Variants in EAF1 observed in about 807,000 individuals in gnomAD.
EAF1 encodes the protein ELL-associated factor 1.
Under a neutral mutation model 26.6 loss-of-function variants are expected in EAF1, and 19 were observed. The observed-to-expected ratio is 0.71, with a 90% CI of 0.50 to 1.05. The LOEUF is 1.05. Ranked by LOEUF, EAF1 falls within the 50% of genes least tolerant of loss-of-function variation. The pLI is 0.00. For synonymous variants in EAF1, 102 were observed against 120.6 expected (o/e 0.85, Z 1.01); for missense variants, 260 against 335.5 (o/e 0.78, Z 1.76).
Position 15,427,835 on chromosome 3 carries a change from G to C in EAF1, c.56G>C (p.Gly19Ala). ...CGCGAGGAACATTGCCTGAGGCTCG[G>C]GGAGAGCTTCGAGAAGCGGCCGCGG... ...LDREEHCLRL[G>A]ESFEKRPRAS... is the part of the protein sequence containing the mutation. Residue 19 changes from glycine to alanine, a missense_variant, in exon 1 of 6, where the codon GGG becomes GCG. By Grantham distance (60) the Gly-to-Ala change is moderately conservative. Coordinates refer to ENST00000396842, the MANE Select transcript of EAF1 (RefSeq NM_033083.7). 2 of 1,551,246 alleles carry C rather than the reference G, an allele frequency of 1.3e-6. No homozygotes were observed. The highest frequency in any genetic ancestry group is 1.7e-6 in the Non-Finnish European group (2 of 1,146,816).
chr3:15,432,804 T>C (rs77440022), intron 3 of EAF1, among the ~76,000 whole-genome samples: 3 of 151,788 alleles, frequency 2.0e-5, no homozygotes, highest in Non-Finnish European at 1.5e-5. Flanking sequence ...TTTTTTTTTT[T>C]AAAGAGTCGA....
intron 5 of EAF1, among the ~76,000 whole-genome samples, chr3:15,436,888 C>T (rs2061839226): frequency 6.6e-6 from 1 of 152,174 alleles, no homozygotes; most frequent in Non-Finnish European, 1.5e-5. Flanking sequence ...CACCATACTG[C>T]TCTCTGCCCA....
At chr3:15,437,830 A>G (rs566855157) in intron 5 of EAF1, among the ~76,000 whole-genome samples, 4 of 152,228 alleles carry the variant, frequency 2.6e-5, no homozygotes, top group South Asian at 2.1e-4. Flanking sequence ...CCTCAGCACT[A>G]TGGGCAGTTT....
intron 2 of EAF1, among the ~76,000 whole-genome samples, chr3:15,430,848 C>T (rs1046762394): frequency 6.6e-6 from 1 of 152,150 alleles, no homozygotes; most frequent in African/African-American, 2.4e-5. Flanking sequence ...TGTGTTATTG[C>T]ATGTCACACC....
chr3:15,432,857 T>C (rs1575451183), intron 3 of EAF1, among the ~76,000 whole-genome samples: 2 of 152,028 alleles, frequency 1.3e-5, no homozygotes, highest in Admixed American at 1.3e-4. Flanking sequence ...AGTGGCATAA[T>C]CATAGCTCAC....
At chr3:15,432,860 T>C (rs7627489) in intron 3 of EAF1, among the ~76,000 whole-genome samples, 9,403 of 151,832 alleles carry the variant, frequency 0.062, 770 homozygotes, top group African/African-American at 0.19. Flanking sequence ...GGCATAATCA[T>C]AGCTCACTTA....
chr3:15,442,545 G>T lies in EAF1; in HGVS notation c.*3390G>T, dbSNP rs531454551. The T allele has an allele frequency of 1.3e-5, 2 of 152,480 alleles. No individual in the cohort carries two copies. Among genetic ancestry groups the T allele is most frequent in the South Asian group, 4.2e-4 (2 of 4,812 alleles). 9.4% of individuals were successfully genotyped at this position (152,480 alleles called of 1,614,324 possible). On this transcript the variant is annotated 3_prime_UTR_variant, in exon 6 of 6. Coordinates refer to ENST00000396842, the MANE Select transcript of EAF1 (RefSeq NM_033083.7). The stretch of plus-strand genomic sequence containing the variant: ...TACATTTATGTAAAATATTTGCTGT[G>T]TAAAGTATTTTTTGTTTATTCTCTT...
chr3:15,431,703 G>T (rs2061803166), intron 2 of EAF1, among the ~76,000 whole-genome samples: 1 of 152,192 alleles, frequency 6.6e-6, no homozygotes, highest in Non-Finnish European at 1.5e-5. Context: ...TTGGTTGCTT[G>T]ACATGAGAAG....
rs6797367 is a variant in EAF1, at chr3:15,434,548, A to G, written c.526+10A>G. On this transcript the variant is annotated intron_variant, in intron 4 of 5. Coordinates refer to ENST00000396842, the MANE Select transcript of EAF1 (RefSeq NM_033083.7). ...GATGACATCAAAAGAGGTAGAGAACATTTTCTGGATCCATGATAGCAACTT... is the reference window on the plus strand; with the variant it reads ...GATGACATCAAAAGAGGTAGAGAACGTTTTCTGGATCCATGATAGCAACTT... 82,734 of 1,613,206 alleles carry G rather than the reference A, an allele frequency of 0.051. 2,487 individuals are homozygous for G. Among genetic ancestry groups the G allele is most frequent in the African/African-American group, 0.12 (9,329 of 74,912 alleles).
chr3:15,436,152 C>G, intron 4 of EAF1, 190 bp from the exon 5 acceptor site: 1 of 444,770 alleles, frequency 2.2e-6, no homozygotes, highest in South Asian at 5.0e-5. Context: ...TCCATTGTGT[C>G]TCTGGAAACA....
chr3:15,432,143 CTGTG>C lies in EAF1; in HGVS notation c.258_261del (p.Val87LeufsTer21). Reference sequence around the variant, plus strand: ...GGAACAAACGGCCTTACCAGAAAGACTGTGTGCTTATTATTAATCATGACACTGG... The same window carrying C: ...GGAACAAACGGCCTTACCAGAAAGACTGCTTATTATTAATCATGACACTGG... On this transcript the variant is annotated frameshift_variant, in exon 3 of 6. Transcript: ENST00000396842. LOFTEE classifies it high-confidence loss of function. The C allele has an allele frequency of 1.2e-6, 2 of 1,614,190 alleles. No homozygotes were observed. Among genetic ancestry groups the C allele is most frequent in the Non-Finnish European group, 1.7e-6 (2 of 1,180,012 alleles).
At chr3:15,432,023 A>G in intron 2 of EAF1, 64 bp from the exon 3 acceptor site, 2 of 1,531,532 alleles carry the variant, frequency 1.3e-6, no homozygotes, top group South Asian at 2.5e-5. Flanking sequence ...GTCATCTATA[A>G]ATTCAGTTGA....
intron 5 of EAF1, among the ~76,000 whole-genome samples, chr3:15,437,748 GGT>G (rs1263109938): frequency 6.6e-6 from 1 of 152,150 alleles, no homozygotes; most frequent in East Asian, 1.9e-4. Context: ...GAAGTTGGAA[GGT>G]CTAGAGGTAA....
In EAF1 at chr3:15,441,522, T is replaced by C. The variant is rs1464761806; in HGVS notation, c.*2367T>C. The stretch of plus-strand genomic sequence containing the variant: ...TTTTTTTTTTTTTTTGCTTGAACTC[T>C]GGTCGGTATGAGCTCCTTAAAAGCA... On this transcript the variant is annotated 3_prime_UTR_variant, in exon 6 of 6. Transcript: ENST00000396842. The C allele has an allele frequency of 7.6e-6, 1 of 132,398 alleles. No homozygotes were observed. The highest frequency in any genetic ancestry group is 1.6e-5 in the Non-Finnish European group (1 of 63,592). The allele number at this position is 132,398 out of a possible 1,614,324, so 8.2% of individuals were successfully genotyped here. A position where few individuals can be genotyped will look rare whatever the true frequency, so the allele number is the denominator to read the frequency against.
Position 15,439,257 on chromosome 3 carries a change from T to C in EAF1, c.*102T>C. ...GCAAGAGGAAAATGTTATGGATCAG[T>C]GACTGTAGTAGGAGTTTGAGGCTCT... On this transcript the variant is annotated 3_prime_UTR_variant, in exon 6 of 6. Transcript: ENST00000396842. The C allele has an allele frequency of 8.5e-7, 1 of 1,173,286 alleles. No homozygotes were observed. The highest frequency in any genetic ancestry group is 1.2e-6 in the Non-Finnish European group (1 of 803,408). 72.7% of individuals were successfully genotyped at this position (1,173,286 alleles called of 1,614,324 possible).
At chr3:15,433,171 CTCTG>C (rs2061812252) in intron 3 of EAF1, 1 of 146,304 alleles carries the variant, frequency 6.8e-6, no homozygotes, top group Admixed American at 7.2e-5. Flanking sequence ...TGCTAATCTT[CTCTG>C]TATCATTCCA....
At chr3:15,435,230 C>G (rs542566592) in intron 4 of EAF1, among the ~76,000 whole-genome samples, 2 of 152,336 alleles carry the variant, frequency 1.3e-5, no homozygotes, top group South Asian at 4.1e-4. Context: ...CAGTTTGGTT[C>G]TCTCCACTGC....
At position 15,429,952 on chromosome 3, in the gene EAF1, G is replaced by C. The variant is rs756238888; in HGVS notation, c.143G>C (p.Gly48Ala). Reference sequence around the variant, plus strand: ...GCATCTATAGACACTTCCTGTGAAGGAGAGCTTCAAGTTGGCAAAGGAGAT... The same window carrying C: ...GCATCTATAGACACTTCCTGTGAAGCAGAGCTTCAAGTTGGCAAAGGAGAT... Reference protein sequence around the residue: ...KPASIDTSCEGELQVGKGDEV... With the variant: ...KPASIDTSCEAELQVGKGDEV... The change falls in exon 2 of 6, where the codon GGA becomes GCA. Residue 48 changes from glycine (G) to alanine (A), a missense_variant. Physicochemically the swap from Gly to Ala is moderately conservative, Grantham distance 60 (BLOSUM62 0). Transcript: ENST00000396842. 5.0e-6 allele frequency: 8 copies of C among 1,613,292 alleles called. No homozygotes were observed. The East Asian group carries it at 1.8e-4, about 36-fold the overall frequency.
chr3:15,427,961 C>T (rs2061765296), intron 1 of EAF1, 79 bp downstream of exon 1: 1 of 1,204,780 alleles, frequency 8.3e-7, no homozygotes, highest in East Asian at 2.8e-5. Context: ...TTTCTTCCCT[C>T]GGCCCTTCAG....
Sources: gnomAD v4.1 joint callset for allele counts (sites outside exome capture counted in the v4.1 genomes callset) on GRCh38, gnomAD v4.1.1 for gene constraint, MANE v1.5 for transcripts, NCBI Gene and HGNC (gene_info 2026-07-23, HGNC 2026-07-21) for gene names.